GAREM1: variants seen among roughly 807,000 people sequenced by gnomAD.
The protein encoded by GAREM1 is GRB2-associated and regulator of MAPK protein 1.
GAREM1 carries 26 observed loss-of-function variants against 71.3 expected under a neutral mutation model. That is an observed-to-expected ratio of 0.36 (90% confidence interval 0.27 to 0.51). GAREM1 has a LOEUF of 0.51. Among genes scored for constraint, GAREM1 ranks in the 20% least tolerant of loss-of-function variants. The probability of loss-of-function intolerance (pLI) is 0.95; values close to 1 mark genes in which losing one functional copy is unlikely to be tolerated. For missense variants in GAREM1, 1,026 were observed against 1,103.1 expected (o/e 0.93, Z 0.99); for synonymous variants, 440 against 433.2 (o/e 1.02, Z -0.20).
intron 1 of GAREM1, among the ~76,000 whole-genome samples, chr18:32,443,273 A>C (rs1408776830): frequency 6.6e-6 from 1 of 152,212 alleles, no homozygotes; most frequent in Non-Finnish European, 1.5e-5. Flanking sequence ...CATATGCAAC[A>C]GAAGAGAAAA....
At chr18:32,330,860 A>G (rs1387090094) in intron 2 of GAREM1, among the ~76,000 whole-genome samples, 1 of 152,194 alleles carries the variant, frequency 6.6e-6, no homozygotes, top group Non-Finnish European at 1.5e-5. Context: ...AGAAGGGAAC[A>G]TTTTGAGGGT....
At chr18:32,426,825 C>G (rs897797494) in intron 1 of GAREM1, among the ~76,000 whole-genome samples, 1 of 152,108 alleles carries the variant, frequency 6.6e-6, no homozygotes, top group Non-Finnish European at 1.5e-5. Context: ...CAGGTGGCTG[C>G]TCTATATCTT....
intron 1 of GAREM1, among the ~76,000 whole-genome samples, chr18:32,416,201 A>C (rs1005984324): frequency 6.6e-6 from 1 of 152,090 alleles, no homozygotes; most frequent in African/African-American, 2.4e-5. Context: ...ACTATAAAAC[A>C]CTGAGGAAAG....
chr18:32,335,652 T>C (rs2047583770), intron 2 of GAREM1, among the ~76,000 whole-genome samples: 1 of 152,246 alleles, frequency 6.6e-6, no homozygotes, highest in African/African-American at 2.4e-5. Flanking sequence ...TTGAACTACA[T>C]GTATCCATCT....
chr18:32,453,548 C>A (rs2048860779), intron 1 of GAREM1, among the ~76,000 whole-genome samples: 1 of 152,116 alleles, frequency 6.6e-6, no homozygotes, highest in Admixed American at 6.5e-5. Context: ...GGCTGCATTA[C>A]CCCAATCTCT....
intron 1 of GAREM1, among the ~76,000 whole-genome samples, chr18:32,462,899 T>G: frequency 6.6e-6 from 1 of 152,100 alleles, no homozygotes; most frequent in East Asian, 1.9e-4. Flanking sequence ...AGTATAGCAG[T>G]GGCTACCAGA....
intron 3 of GAREM1, among the ~76,000 whole-genome samples, chr18:32,295,157 C>G (rs949639224): frequency 6.6e-6 from 1 of 151,818 alleles, no homozygotes; most frequent in Non-Finnish European, 1.5e-5. Context: ...CTCTGCCTCC[C>G]GGGTTCAAGT....
intron 1 of GAREM1, among the ~76,000 whole-genome samples, chr18:32,434,769 A>G (rs2048658576): frequency 1.3e-5 from 2 of 152,210 alleles, no homozygotes; most frequent in South Asian, 4.1e-4. Flanking sequence ...TAATACCGCT[A>G]CAGTTAAGAT....
At chr18:32,458,478 T>G (rs1254827987) in intron 1 of GAREM1, among the ~76,000 whole-genome samples, 1 of 152,076 alleles carries the variant, frequency 6.6e-6, no homozygotes, top group African/African-American at 2.4e-5. Context: ...ATCACAATTA[T>G]TCAATTTCAA....
intron 2 of GAREM1, among the ~76,000 whole-genome samples, chr18:32,358,264 T>A (rs555618094): frequency 6.6e-6 from 1 of 151,876 alleles, no homozygotes; most frequent in African/African-American, 2.4e-5. Flanking sequence ...CAGTCTGCCA[T>A]GCAGTGACCA....
intron 1 of GAREM1, among the ~76,000 whole-genome samples, chr18:32,428,497 C>G (rs887686785): frequency 6.6e-6 from 1 of 152,062 alleles, no homozygotes; most frequent in Admixed American, 6.6e-5. Flanking sequence ...AAGTGTGTAG[C>G]ACCTCTCCCC....
At chr18:32,454,139 T>C (rs2048866989) in intron 1 of GAREM1, among the ~76,000 whole-genome samples, 1 of 152,176 alleles carries the variant, frequency 6.6e-6, no homozygotes, top group Non-Finnish European at 1.5e-5. Flanking sequence ...CAGGGAATAC[T>C]ACTTGATTTT....
chr18:32,296,264 T>A (rs943965030), intron 3 of GAREM1, among the ~76,000 whole-genome samples: 14 of 152,270 alleles, frequency 9.2e-5, no homozygotes, highest in Middle Eastern at 6.8e-3. Flanking sequence ...CCCAGGTAGC[T>A]TTTTATTTGG....
In GAREM1 at chr18:32,429,486, C is replaced by T. The variant is rs149774112; in HGVS notation, c.122-36451G>A. Reference sequence around the variant, plus strand: ...CCAAGCCTAAATCTTTCTAACAAAACAAATCCTTTATTCCATTATAGCCAT... The same window carrying T: ...CCAAGCCTAAATCTTTCTAACAAAATAAATCCTTTATTCCATTATAGCCAT... On this transcript the variant is annotated intron_variant, in intron 1 of 5. Transcript: ENST00000269209. 1.1e-4 allele frequency among the ~76,000 whole-genome samples: 17 copies of T among 152,296 alleles called. No homozygotes were observed. The East Asian group carries it at 2.9e-3, about 26-fold the overall frequency.
At chr18:32,292,264 T>A (rs1158257959) in intron 3 of GAREM1, among the ~76,000 whole-genome samples, 1 of 152,150 alleles carries the variant, frequency 6.6e-6, no homozygotes, top group East Asian at 1.9e-4. Flanking sequence ...TTTTTTTTCA[T>A]ATGTTTGTTG....
At chr18:32,275,489 A>G (rs1347916204) in intron 4 of GAREM1, among the ~76,000 whole-genome samples, 2 of 152,158 alleles carry the variant, frequency 1.3e-5, no homozygotes, top group Non-Finnish European at 2.9e-5. Context: ...ATTTCAGGTT[A>G]TGAGTACCTT....
intron 4 of GAREM1, among the ~76,000 whole-genome samples, chr18:32,286,673 AC>A (rs2047020842): frequency 1.3e-5 from 2 of 152,046 alleles, no homozygotes; most frequent in Admixed American, 1.3e-4. Flanking sequence ...GCCAGCCACT[AC>A]CAGCTGCCAC....
intron 3 of GAREM1, among the ~76,000 whole-genome samples, chr18:32,292,419 C>A (rs1355641736): frequency 1.3e-5 from 2 of 151,918 alleles, no homozygotes; most frequent in Non-Finnish European, 2.9e-5. Context: ...TTTTTTAAAT[C>A]AACAAAATAA....
intron 3 of GAREM1, among the ~76,000 whole-genome samples, chr18:32,303,289 C>T (rs1413336439): frequency 6.6e-6 from 1 of 152,132 alleles, no homozygotes; most frequent in Non-Finnish European, 1.5e-5. Flanking sequence ...TGGATTACAT[C>T]AGTGAAGATA....
Sources: gnomAD v4.1 joint callset for allele counts (sites outside exome capture counted in the v4.1 genomes callset) on GRCh38, gnomAD v4.1.1 for gene constraint, MANE v1.5 for transcripts, NCBI Gene and HGNC (gene_info 2026-07-23, HGNC 2026-07-21) for gene names.